Variants in RBFOX1 observed in about 807,000 individuals in gnomAD.
RBFOX1 encodes the protein RNA binding protein fox-1 homolog 1.
Under a neutral mutation model 57.7 loss-of-function variants are expected in RBFOX1, and 8 were observed. That is an observed-to-expected ratio of 0.14 (90% confidence interval 0.08 to 0.25). The LOEUF is 0.25. RBFOX1 is among the 10% of genes least tolerant of loss of function. The pLI is 1.00. For missense variants in RBFOX1, 611 were observed against 548.5 expected, an observed-to-expected ratio of 1.11 and a Z score of -1.14; for synonymous variants, 326 against 222.4, an observed-to-expected ratio of 1.47 and a Z score of -4.15.
chr16:7,005,653 A>G (rs1194670891), intron 3 of RBFOX1, among the ~76,000 whole-genome samples: 2 of 152,194 alleles, frequency 1.3e-5, no homozygotes, highest in Admixed American at 6.5e-5. Flanking sequence ...CCTGTTGAAC[A>G]CAAACAATTT....
chr16:5,963,488 C>G (rs143717680), intron 4 of RBFOX1, among the ~76,000 whole-genome samples: 3 of 152,214 alleles, frequency 2.0e-5, no homozygotes, highest in African/African-American at 7.2e-5. Flanking sequence ...GGAGGTATCA[C>G]ACTTCCTGGT....
chr16:6,441,157 T>G (rs1168496497), intron 2 of RBFOX1, among the ~76,000 whole-genome samples: 2 of 150,872 alleles, frequency 1.3e-5, no homozygotes, highest in East Asian at 3.9e-4. Flanking sequence ...CCCTGGGGGG[T>G]GGTGAGTGGA....
At chr16:7,019,811 T>C (rs1450665918) in intron 3 of RBFOX1, among the ~76,000 whole-genome samples, 1 of 152,174 alleles carries the variant, frequency 6.6e-6, no homozygotes, top group Non-Finnish European at 1.5e-5. Flanking sequence ...TTCCCATTAA[T>C]CCTGAACATA....
At chr16:6,792,086 A>C (rs1162786502) in intron 3 of RBFOX1, among the ~76,000 whole-genome samples, 1 of 152,184 alleles carries the variant, frequency 6.6e-6, no homozygotes, top group African/African-American at 2.4e-5. Context: ...GATAATACCT[A>C]AATACATTTT....
chr16:5,554,215 C>G (rs2045581835), intron 2 of RBFOX1, among the ~76,000 whole-genome samples: 1 of 152,038 alleles, frequency 6.6e-6, no homozygotes, highest in Admixed American at 6.6e-5. Context: ...AAGTGATCTG[C>G]CCACGTTGAT....
At chr16:5,309,290 T>A (rs557389966) in intron 1 of RBFOX1, among the ~76,000 whole-genome samples, 272 of 152,318 alleles carry the variant, frequency 1.8e-3, no homozygotes, top group South Asian at 4.8e-3. Flanking sequence ...TGTTGCTATC[T>A]CTCTTTCTCT....
intron 1 of RBFOX1, chr16:6,090,113 T>C (rs181291451): frequency 6.6e-6 from 1 of 152,348 alleles, no homozygotes; most frequent in African/African-American, 2.4e-5. Context: ...CGTGGCCCCT[T>C]CTTCCATCTT....
intron 1 of RBFOX1, among the ~76,000 whole-genome samples, chr16:6,045,784 G>A (rs549965559): frequency 6.6e-6 from 1 of 152,306 alleles, no homozygotes; most frequent in East Asian, 1.9e-4. Context: ...AGTTTAATTT[G>A]CTATGTCAAT....
chr16:7,336,455 G>T (rs1269330242), intron 4 of RBFOX1, among the ~76,000 whole-genome samples: 1 of 152,150 alleles, frequency 6.6e-6, no homozygotes, highest in Non-Finnish European at 1.5e-5. Flanking sequence ...TTCCTGGATG[G>T]TTGATGGTGT....
Position 7,566,939 on chromosome 16 carries a change from C to G in RBFOX1, c.271-12838C>G, listed in dbSNP as rs542900722. 7.6e-4 allele frequency among the ~76,000 whole-genome samples: 115 copies of G among 151,804 alleles called. 4 individuals carry two copies. In the South Asian group the frequency reaches 0.023, roughly 31 times the overall value. On this transcript the variant is annotated intron_variant, in intron 5 of 15. Coordinates refer to ENST00000550418, the MANE Select transcript of RBFOX1 (RefSeq NM_018723.4). ...ATAAAACCTTCAGTGTATCCATGAA[C>G]AAAGAAATCGATTAAGAAACATGTA... is the stretch of plus-strand genomic sequence containing the variant.
At chr16:6,770,982 C>G (rs544781295) in intron 3 of RBFOX1, among the ~76,000 whole-genome samples, 38 of 152,210 alleles carry the variant, frequency 2.5e-4, no homozygotes, top group African/African-American at 8.7e-4. Context: ...CAAATTCTCA[C>G]CCACAGGACC....
chr16:7,407,730 G>T (rs2098370366), intron 4 of RBFOX1, among the ~76,000 whole-genome samples: 1 of 152,160 alleles, frequency 6.6e-6, no homozygotes, highest in African/African-American at 2.4e-5. Context: ...ATAACCTAGA[G>T]ACTGTGCAAG....
intron 3 of RBFOX1, among the ~76,000 whole-genome samples, chr16:7,034,651 G>A (rs1000104042): frequency 1.3e-5 from 2 of 151,690 alleles, no homozygotes; most frequent in Non-Finnish European, 1.5e-5. Context: ...AGTGAGGCTA[G>A]CAGAGGGCCC....
At chr16:7,591,640 C>T (rs1362392229) in intron 7 of RBFOX1, among the ~76,000 whole-genome samples, 2 of 152,122 alleles carry the variant, frequency 1.3e-5, no homozygotes, top group East Asian at 1.9e-4. Context: ...TCTTCAGTAG[C>T]ATTAAAGGTA....
chr16:6,887,419 T>C (rs751879560), intron 3 of RBFOX1, among the ~76,000 whole-genome samples: 5 of 152,172 alleles, frequency 3.3e-5, no homozygotes, highest in Non-Finnish European at 5.9e-5. Flanking sequence ...TATGGTTGTA[T>C]CATCTGTGGG....
At chr16:6,704,256 T>C (rs568652506) in intron 3 of RBFOX1, 1 of 152,324 alleles carries the variant, frequency 6.6e-6, no homozygotes, top group East Asian at 1.9e-4. Context: ...AACTGCAAAT[T>C]GAACAGCCAG....
chr16:7,333,110 C>G, intron 4 of RBFOX1: 2 of 1,603,260 alleles, frequency 1.2e-6, no homozygotes, highest in Non-Finnish European at 1.7e-6. Flanking sequence ...CCTCTGCCAG[C>G]CAGCAACTTA....
chr16:7,351,791 C>T (rs1328589552), intron 4 of RBFOX1, among the ~76,000 whole-genome samples: 3 of 152,148 alleles, frequency 2.0e-5, no homozygotes, highest in African/African-American at 7.2e-5. Context: ...TTTTAGGAGC[C>T]ACCTGTTTCT....
chr16:7,284,455 T>A (rs777161251), intron 4 of RBFOX1, among the ~76,000 whole-genome samples: 2 of 151,900 alleles, frequency 1.3e-5, no homozygotes, highest in Non-Finnish European at 2.9e-5. Flanking sequence ...CTCAGCCTCC[T>A]GAGTAGCTGG....
Sources: gnomAD v4.1 joint callset for allele counts (sites outside exome capture counted in the v4.1 genomes callset) on GRCh38, gnomAD v4.1.1 for gene constraint, MANE v1.5 for transcripts, NCBI Gene and HGNC (gene_info 2026-07-23, HGNC 2026-07-21) for gene names.